The following TMEM272 variants were observed in gnomAD, a reference collection of about 807,000 sequenced individuals.
TMEM272 encodes the protein long intergenic non-protein coding RNA 282.
TMEM272 carries 8 observed loss-of-function variants against 3.7 expected under a neutral mutation model. The ratio of observed to expected loss-of-function variants is 2.17; its 90% confidence interval spans 1.27 to 3.91. TMEM272 has a LOEUF of 3.91. TMEM272 is among the 30% of genes most tolerant of loss of function. The pLI, the probability that TMEM272 is intolerant of heterozygous loss-of-function variation, is 0.00. For synonymous variants in TMEM272, 63 were observed against 39.8 expected, an observed-to-expected ratio of 1.58 and a Z score of -2.20; for missense variants, 166 against 91.5, an observed-to-expected ratio of 1.81 and a Z score of -3.32.
At chr13:51,849,667 G>A (rs142534675), upstream of TMEM272, among the ~76,000 whole-genome samples, 748 of 152,308 alleles carry the variant, frequency 4.9e-3, 5 homozygotes, top group African/African-American at 0.017. Flanking sequence ...GAGGATGCGC[G>A]GACACGCCGC....
At chr13:51,846,120 C>A (rs1886320), upstream of TMEM272, among the ~76,000 whole-genome samples, 11 of 151,974 alleles carry the variant, frequency 7.2e-5, no homozygotes, top group East Asian at 1.9e-4. Context: ...GGCACCTCTC[C>A]GGGCTCACTC....
At chr13:51,918,467 A>C in the TMEM272 span, among the ~76,000 whole-genome samples, 1 of 152,236 alleles carries the variant, frequency 6.6e-6, no homozygotes, top group South Asian at 2.1e-4. Context: ...AAAAAGAAAG[A>C]AAAGGAGGAA....
chr13:51,854,861 C>CG, the TMEM272 span, among the ~76,000 whole-genome samples: 1 of 152,146 alleles, frequency 6.6e-6, no homozygotes, highest in African/African-American at 2.4e-5. Flanking sequence ...GTCAGGTCAA[C>CG]ATTCTAAAGT....
chr13:51,923,339 C>T, the TMEM272 span, among the ~76,000 whole-genome samples: 1 of 152,232 alleles, frequency 6.6e-6, no homozygotes, highest in African/African-American at 2.4e-5. Flanking sequence ...ATGCGATGGG[C>T]TGGTGAGGAG....
At chr13:51,875,744 C>T in the TMEM272 span, among the ~76,000 whole-genome samples, 1 of 152,176 alleles carries the variant, frequency 6.6e-6, no homozygotes, top group Non-Finnish European at 1.5e-5. Context: ...AGGGCATGAG[C>T]GCAAGCCCAC....
chr13:51,900,748 G>A, the TMEM272 span, among the ~76,000 whole-genome samples: 1 of 152,116 alleles, frequency 6.6e-6, no homozygotes, highest in Non-Finnish European at 1.5e-5. Context: ...AACAAAATGT[G>A]ATATATCCAT....
chr13:51,822,245 A>G, intron 3 of TMEM272, 108 bp from the exon 4 acceptor site: 1 of 614,486 alleles, frequency 1.6e-6, no homozygotes, highest in Admixed American at 2.8e-5. Flanking sequence ...TAATCATGCA[A>G]ACCATATGCT....
chr13:51,878,207 G>A, the TMEM272 span, among the ~76,000 whole-genome samples: 1 of 152,086 alleles, frequency 6.6e-6, no homozygotes, highest in Non-Finnish European at 1.5e-5. Context: ...GAGGCGGGAG[G>A]ATCATGAGGT....
At chr13:51,857,909 A>G in the TMEM272 span, among the ~76,000 whole-genome samples, 1 of 152,136 alleles carries the variant, frequency 6.6e-6, no homozygotes, top group Non-Finnish European at 1.5e-5. Context: ...GGTTGAAATA[A>G]AAGGATAGAA....
chr13:51,868,740 G>A, the TMEM272 span, among the ~76,000 whole-genome samples: 1 of 152,218 alleles, frequency 6.6e-6, no homozygotes, highest in Admixed American at 6.5e-5. Context: ...CTGGCAGGGA[G>A]AAATGTCATT....
the TMEM272 span, chr13:51,866,180 C>G: frequency 1.0e-6 from 1 of 1,004,274 alleles, no homozygotes; most frequent in Non-Finnish European, 1.4e-6. Flanking sequence ...ACTCATTGGT[C>G]TCCTTGCTTT....
the TMEM272 span, among the ~76,000 whole-genome samples, chr13:51,862,822 T>C: frequency 0.87 from 131,878 of 152,198 alleles, 58,540 homozygotes; most frequent in East Asian, 1. Flanking sequence ...CCATACAACA[T>C]AGAAAATCAA....
chr13:51,818,060 T>C (rs1236547405), intron 4 of TMEM272, among the ~76,000 whole-genome samples: 2 of 152,238 alleles, frequency 1.3e-5, no homozygotes, highest in Non-Finnish European at 2.9e-5. Flanking sequence ...TTTGAAAGCC[T>C]GACCTGTGTA....
chr13:51,926,991 C>T, the TMEM272 span, among the ~76,000 whole-genome samples: 4 of 152,088 alleles, frequency 2.6e-5, no homozygotes, highest in Non-Finnish European at 4.4e-5. Flanking sequence ...ACAAAGCCCC[C>T]AGCCTAAAGC....
the TMEM272 span, among the ~76,000 whole-genome samples, chr13:51,895,650 C>G: frequency 7.4e-3 from 1,120 of 152,210 alleles, 12 homozygotes; most frequent in African/African-American, 0.026. Flanking sequence ...CTCCTGTCCC[C>G]TCACTCCTCC....
At chr13:51,927,005 T>A in the TMEM272 span, among the ~76,000 whole-genome samples, 1 of 152,154 alleles carries the variant, frequency 6.6e-6, no homozygotes, top group African/African-American at 2.4e-5. Context: ...CTAAAGCATC[T>A]AGTGCTTCAT....
chr13:51,827,471 G>T (rs1956136205), intron 2 of TMEM272, among the ~76,000 whole-genome samples: 1 of 152,202 alleles, frequency 6.6e-6, no homozygotes, highest in Admixed American at 6.5e-5. Context: ...CTGTTCTCCA[G>T]ATCGGCAGAT....
chr13:51,910,116 A>G, the TMEM272 span: 16 of 1,042,912 alleles, frequency 1.5e-5, no homozygotes, highest in Non-Finnish European at 1.7e-5. Context: ...CTTTTTGGAA[A>G]TATCTGCCAT....
the TMEM272 span, among the ~76,000 whole-genome samples, chr13:51,912,083 C>G: frequency 7.2e-5 from 11 of 152,140 alleles, no homozygotes; most frequent in Non-Finnish European, 1.6e-4. Flanking sequence ...CTCTATCTCA[C>G]TTCCTTCCTT....
Sources: gnomAD v4.1 joint callset for allele counts (sites outside exome capture counted in the v4.1 genomes callset) on GRCh38, gnomAD v4.1.1 for gene constraint, MANE v1.5 for transcripts, NCBI Gene and HGNC (gene_info 2026-07-23, HGNC 2026-07-21) for gene names.